SCAMP5: variants seen among roughly 807,000 people sequenced by gnomAD.
SCAMP5 encodes the protein secretory carrier-associated membrane protein 5.
A neutral mutation model predicts 28.3 loss-of-function variants in SCAMP5; 7 were observed. The observed-to-expected ratio is 0.25, with a 90% CI of 0.14 to 0.46. SCAMP5 has a LOEUF of 0.46. SCAMP5 is among the 20% of genes least tolerant of loss of function. The pLI is 0.99. For missense variants in SCAMP5, 192 were observed against 312.5 expected (o/e 0.61, Z 2.91); for synonymous variants, 117 against 116.4 (o/e 1.00, Z -0.03).
At chr15:75,014,453 A>T (rs962557820) in intron 3 of SCAMP5, among the ~76,000 whole-genome samples, 3 of 152,222 alleles carry the variant, frequency 2.0e-5, no homozygotes, top group Non-Finnish European at 2.9e-5. Context: ...TTGTCGACGG[A>T]TAGTGAGGAC....
Position 75,018,549 on chromosome 15 carries a change from T to G in SCAMP5, c.513+14T>G. 1 of 1,552,914 alleles carries G rather than the reference T, an allele frequency of 6.4e-7. No homozygotes were observed. Among genetic ancestry groups the G allele is most frequent in the Non-Finnish European group, 8.9e-7 (1 of 1,124,234 alleles). On this transcript the variant is annotated intron_variant, in intron 6 of 6. Coordinates refer to ENST00000425597, the MANE Select transcript of SCAMP5 (RefSeq NM_138967.4). The surrounding 1 kb of genome is among the most constrained non-coding windows in gnomAD (Gnocchi z 5.6). ...GCCCTCAGCATGGTACGTGGTCCCC[T>G]CAAGGGTGAGAAGGTGGCTTTGGGA... is the stretch of plus-strand genomic sequence containing the variant.
rs767773710 is a variant in SCAMP5 at position 75,012,816 on chromosome 15, T to C, written c.136+11T>C. 6.2e-7 allele frequency: 1 copy of C among 1,613,792 alleles called. No individual in the cohort carries two copies. The highest frequency in any genetic ancestry group is 2.2e-5 in the East Asian group (1 of 44,878). On this transcript the variant is annotated intron_variant, in intron 3 of 6. Transcript: ENST00000425597. Reference sequence around the variant, plus strand: ...ACTACCTCTGGATGTGTGAGTGCCATGGGATGGGGGTGGGCCAGGGTGGCT... The same window carrying C: ...ACTACCTCTGGATGTGTGAGTGCCACGGGATGGGGGTGGGCCAGGGTGGCT...
intron 1 of SCAMP5, among the ~76,000 whole-genome samples, chr15:75,001,945 C>T (rs1176116676): frequency 3.6e-5 from 4 of 110,084 alleles, no homozygotes; most frequent in Non-Finnish European, 7.7e-5. Context: ...TACCAATAAA[C>T]AAAACAAAAA....
At chr15:75,017,521 G>A in intron 4 of SCAMP5, 1 of 494,630 alleles carries the variant, frequency 2.0e-6, no homozygotes, top group Non-Finnish European at 3.5e-6. Context: ...CCATGTACCA[G>A]TGGAGCTAGC....
Position 75,016,678 on chromosome 15 carries a change from C to T in SCAMP5, c.222C>T (p.Ala74=). The part of the protein sequence containing the change: ...GGGGATNFGL[A]FLWLILFTPC... The stretch of plus-strand genomic sequence containing the variant: ...GGGGAGCCACCAACTTTGGCCTCGC[C>T]TTTCTCTGGCTCATCCTCTTCACAC... The change falls in exon 4 of 7, where the codon GCC becomes GCT. Residue 74 remains alanine, a synonymous_variant. Coordinates refer to ENST00000425597, the MANE Select transcript of SCAMP5 (RefSeq NM_138967.4). 1 of 1,613,916 alleles carries T rather than the reference C, an allele frequency of 6.2e-7. No individual in the cohort carries two copies.
chr15:75,000,797 C>A (rs1157027802), intron 1 of SCAMP5, among the ~76,000 whole-genome samples: 1 of 151,076 alleles, frequency 6.6e-6, no homozygotes, highest in Non-Finnish European at 1.5e-5. Flanking sequence ...GATGACCTAG[C>A]CCCATTTACC....
At chr15:75,013,559 G>T (rs1288383285) in intron 3 of SCAMP5, among the ~76,000 whole-genome samples, 1 of 152,184 alleles carries the variant, frequency 6.6e-6, no homozygotes, top group East Asian at 1.9e-4. Flanking sequence ...AATTAGGCCT[G>T]TGTGGTGGCT....
At chr15:75,000,663 C>G (rs1007166164) in intron 1 of SCAMP5, among the ~76,000 whole-genome samples, 1 of 146,458 alleles carries the variant, frequency 6.8e-6, no homozygotes. Context: ...GGATTACAGG[C>G]GTGAGCCATC....
chr15:75,010,541 G>A (rs2065801828), intron 1 of SCAMP5, among the ~76,000 whole-genome samples: 1 of 152,160 alleles, frequency 6.6e-6, no homozygotes, highest in Admixed American at 6.5e-5. Context: ...CCTTATGATG[G>A]GTGGCTCATG....
chr15:75,017,716 T>C (rs573328936), intron 4 of SCAMP5, 154 bp from the exon 5 acceptor site: 3 of 654,334 alleles, frequency 4.6e-6, no homozygotes, highest in Non-Finnish European at 5.5e-6. Context: ...TGCAAAGATG[T>C]ATGGGTAGAA....
Position 75,011,816 on chromosome 15 carries a change from G to A in SCAMP5, c.-24G>A, listed in dbSNP as rs374896425. On this transcript the variant is annotated 5_prime_UTR_variant, in exon 2 of 7. Transcript: ENST00000425597. ...GTTCAGGACAAAGAGGTGTGGGCAG[G>A]CCACTGGGCCAGCTGGTAACATCAT... 1 of 1,611,314 alleles carries A rather than the reference G, an allele frequency of 6.2e-7. No individual in the cohort carries two copies. The highest frequency in any genetic ancestry group is 8.5e-7 in the Non-Finnish European group (1 of 1,177,712).
chr15:75,018,058 C>A lies in SCAMP5; in HGVS notation c.395+87C>A. On this transcript the variant is annotated intron_variant, in intron 5 of 6. Coordinates refer to ENST00000425597, the MANE Select transcript of SCAMP5 (RefSeq NM_138967.4). This position sits in a 1 kb window ranked among gnomAD's most constrained non-coding sequence, Gnocchi z 5.6. ...TACCTTTGTGTGCTAAGCTGTCTAG[C>A]CTATGGGGCCTGAGTGATGGGTTGT... 1 of 799,434 alleles carries A rather than the reference C, an allele frequency of 1.3e-6. No individual in the cohort carries two copies. Among genetic ancestry groups the A allele is most frequent in the Non-Finnish European group, 2.1e-6 (1 of 468,622 alleles). 49.5% of individuals were successfully genotyped at this position (799,434 alleles called of 1,614,324 possible).
At chr15:75,012,005 G>C (rs1045648931) in intron 2 of SCAMP5, among the ~76,000 whole-genome samples, 159 bp downstream of exon 2, 4 of 152,168 alleles carry the variant, frequency 2.6e-5, no homozygotes, top group African/African-American at 9.7e-5. Context: ...AGGCCTGTCT[G>C]AGAACTTCAA....
intron 4 of SCAMP5, 79 bp downstream of exon 4, chr15:75,016,828 T>TA: frequency 6.6e-6 from 8 of 1,219,262 alleles, no homozygotes; most frequent in African/African-American, 1.6e-5. Flanking sequence ...TTTTCTCACT[T>TA]CTTTTTTTTT....
At chr15:75,017,755 C>T (rs1159197041) in intron 4 of SCAMP5, 115 bp from the exon 5 acceptor site, 1 of 755,366 alleles carries the variant, frequency 1.3e-6, no homozygotes, top group Non-Finnish European at 2.4e-6. Flanking sequence ...TCAATTAAGG[C>T]CTTTAAATGT....
intron 1 of SCAMP5, among the ~76,000 whole-genome samples, chr15:75,010,494 C>T (rs932216838): frequency 6.6e-5 from 10 of 152,332 alleles, no homozygotes; most frequent in South Asian, 2.1e-4. Flanking sequence ...GCTGCCCCCT[C>T]ATTTGCACTC....
intron 4 of SCAMP5, among the ~76,000 whole-genome samples, chr15:75,017,352 C>T (rs1021248585): frequency 1.9e-4 from 29 of 152,134 alleles, no homozygotes; most frequent in Admixed American, 1.2e-3. Context: ...TGTCTTGGTG[C>T]CAGTAGAATA....
chr15:74,997,520 A>C (rs1157534151), intron 1 of SCAMP5, among the ~76,000 whole-genome samples: 1 of 152,198 alleles, frequency 6.6e-6, no homozygotes, highest in East Asian at 1.9e-4. Context: ...GACTGACTCA[A>C]AATGTATGCA....
Position 75,016,319 on chromosome 15 carries a change from G to C in SCAMP5, c.137-274G>C, listed in dbSNP as rs548157705. Among the ~76,000 whole-genome samples, 203 of 152,264 alleles carry C rather than the reference G, an allele frequency of 1.3e-3. 1 individual carries two copies. Among genetic ancestry groups the C allele is most frequent in the Middle Eastern group, 6.8e-3 (2 of 294 alleles). ...GGGTGGGGGTTGGTTCGAGCTCCCAGCTTGCGTTCTTACAGTCTTTACTCC... is the reference window on the plus strand; with the variant it reads ...GGGTGGGGGTTGGTTCGAGCTCCCACCTTGCGTTCTTACAGTCTTTACTCC... On this transcript the variant is annotated intron_variant, in intron 3 of 6. Coordinates refer to ENST00000425597, the MANE Select transcript of SCAMP5 (RefSeq NM_138967.4).
Sources: allele counts gnomAD v4.1 joint callset (sites outside exome capture counted in the v4.1 genomes callset), GRCh38; gene constraint gnomAD v4.1.1; non-coding constraint Gnocchi (gnomAD v3.1); transcripts MANE v1.5; gene names NCBI Gene and HGNC (gene_info 2026-07-23, HGNC 2026-07-21).